SLC9A9: variants seen among roughly 807,000 people sequenced by gnomAD.
SLC9A9 encodes the protein sodium/hydrogen exchanger 9.
SLC9A9 carries 62 observed loss-of-function variants against 77.8 expected under a neutral mutation model. The ratio of observed to expected loss-of-function variants is 0.80; its 90% CI spans 0.65 to 0.98. The LOEUF is 0.98. Ranked by LOEUF, SLC9A9 falls within the 50% of genes least tolerant of loss-of-function variation. SLC9A9 has a pLI of 0.00. For missense variants in SLC9A9, 775 were observed against 774.9 expected (o/e 1.00, Z 0.00); for synonymous variants, 320 against 283.5 (o/e 1.13, Z -1.29).
At chr3:143,455,551 G>A (rs2108559753) in intron 12 of SLC9A9, among the ~76,000 whole-genome samples, 1 of 152,158 alleles carries the variant, frequency 6.6e-6, no homozygotes, top group African/African-American at 2.4e-5. Flanking sequence ...CATAAACACA[G>A]CAAGCCTCTC....
At chr3:143,520,583 A>T (rs1393080454) in intron 9 of SLC9A9, among the ~76,000 whole-genome samples, 1 of 152,244 alleles carries the variant, frequency 6.6e-6, no homozygotes, top group Non-Finnish European at 1.5e-5. Context: ...CTTTACACAC[A>T]AACACATAAC....
chr3:143,767,527 A>G (rs2108837451), intron 4 of SLC9A9, among the ~76,000 whole-genome samples: 1 of 152,020 alleles, frequency 6.6e-6, no homozygotes, highest in East Asian at 1.9e-4. Flanking sequence ...CTGGCCAGTG[A>G]CTCACCTCAT....
intron 9 of SLC9A9, among the ~76,000 whole-genome samples, chr3:143,549,600 A>T (rs1381414798): frequency 1.3e-5 from 2 of 152,198 alleles, no homozygotes; most frequent in Non-Finnish European, 2.9e-5. Context: ...CTTCCTTAAA[A>T]GAGAATTCTG....
chr3:143,831,923 G>T (rs750133960), intron 2 of SLC9A9, 96 bp downstream of exon 2: 15 of 1,072,748 alleles, frequency 1.4e-5, no homozygotes, highest in Non-Finnish European at 2.1e-5. Context: ...GCATATATGT[G>T]TGTGTGAATG....
At chr3:143,427,243 T>C (rs1489684425) in intron 12 of SLC9A9, among the ~76,000 whole-genome samples, 3 of 152,244 alleles carry the variant, frequency 2.0e-5, no homozygotes, top group African/African-American at 2.4e-5. Context: ...GTGTAAAGCA[T>C]TCATGCACAT....
intron 14 of SLC9A9, among the ~76,000 whole-genome samples, chr3:143,324,762 C>T (rs906080818): frequency 3.3e-5 from 5 of 152,106 alleles, no homozygotes; most frequent in African/African-American, 9.7e-5. Context: ...GACAAGGTTG[C>T]AGTGAGCCAC....
intron 9 of SLC9A9, among the ~76,000 whole-genome samples, chr3:143,536,346 C>T (rs941787819): frequency 1.3e-5 from 2 of 152,170 alleles, no homozygotes; most frequent in Non-Finnish European, 2.9e-5. Context: ...CAGCTTCCTC[C>T]TCAGTAAAAT....
intron 14 of SLC9A9, among the ~76,000 whole-genome samples, chr3:143,346,823 A>G (rs939277264): frequency 1.3e-5 from 2 of 152,170 alleles, no homozygotes; most frequent in African/African-American, 4.8e-5. Flanking sequence ...GTTTGGTTAA[A>G]ATGAAAAGGG....
At chr3:143,513,562 A>G (rs1451463386) in intron 9 of SLC9A9, among the ~76,000 whole-genome samples, 1 of 152,224 alleles carries the variant, frequency 6.6e-6, no homozygotes, top group Non-Finnish European at 1.5e-5. Context: ...TTCATAAATC[A>G]CAAATGTTCT....
At chr3:143,740,952 G>A (rs1245952403) in intron 4 of SLC9A9, among the ~76,000 whole-genome samples, 1 of 152,136 alleles carries the variant, frequency 6.6e-6, no homozygotes, top group Non-Finnish European at 1.5e-5. Context: ...AGCAAGGGGA[G>A]GAGGCTAGAA....
At chr3:143,769,299 A>G (rs1281561699) in intron 4 of SLC9A9, among the ~76,000 whole-genome samples, 1 of 152,142 alleles carries the variant, frequency 6.6e-6, no homozygotes, top group African/African-American at 2.4e-5. Context: ...TGCTCTGGGA[A>G]AGCAGTATCT....
chr3:143,836,708 A>G (rs1160353517), intron 1 of SLC9A9, among the ~76,000 whole-genome samples: 1 of 152,174 alleles, frequency 6.6e-6, no homozygotes, highest in Non-Finnish European at 1.5e-5. Flanking sequence ...TTCTCATTTT[A>G]TTATCCACAT....
chr3:143,282,740 A>G (rs1472004758), intron 14 of SLC9A9, among the ~76,000 whole-genome samples: 1 of 152,200 alleles, frequency 6.6e-6, no homozygotes, highest in African/African-American at 2.4e-5. Flanking sequence ...GAAAGATAGG[A>G]CTGTGGTGGC....
chr3:143,527,531 G>C (rs2036426246), intron 9 of SLC9A9, among the ~76,000 whole-genome samples: 1 of 152,178 alleles, frequency 6.6e-6, no homozygotes, highest in Non-Finnish European at 1.5e-5. Flanking sequence ...GTCAAAATTT[G>C]TCAGGTCTCA....
chr3:143,762,190 G>A (rs112645683), intron 4 of SLC9A9, among the ~76,000 whole-genome samples: 51,907 of 151,802 alleles, frequency 0.34, 9,273 homozygotes, highest in African/African-American at 0.43. Flanking sequence ...GGGGCCTGTC[G>A]TGGGGTTGGG....
intron 6 of SLC9A9, among the ~76,000 whole-genome samples, chr3:143,584,901 G>C (rs1174668531): frequency 3.3e-5 from 5 of 152,216 alleles, no homozygotes; most frequent in African/African-American, 1.2e-4. Flanking sequence ...TGGAAAGGAG[G>C]GAAGGCAGCA....
At chr3:143,573,640 T>C (rs1038237036) in intron 8 of SLC9A9, among the ~76,000 whole-genome samples, 1 of 152,050 alleles carries the variant, frequency 6.6e-6, no homozygotes, top group African/African-American at 2.4e-5. Flanking sequence ...GGAACATATG[T>C]GAAGATCTCA....
At chr3:143,504,910 C>T (rs531131970) in intron 9 of SLC9A9, among the ~76,000 whole-genome samples, 8 of 152,282 alleles carry the variant, frequency 5.3e-5, no homozygotes, top group African/African-American at 1.4e-4. Flanking sequence ...ACTAGGCAGC[C>T]TCCCCATTGT....
intron 6 of SLC9A9, among the ~76,000 whole-genome samples, chr3:143,584,338 T>TC (rs2037506077): frequency 6.6e-6 from 1 of 152,124 alleles, no homozygotes. Flanking sequence ...CCCTGACCGG[T>TC]CCTCTCAAAT....
Sources: allele counts gnomAD v4.1 joint callset (sites outside exome capture counted in the v4.1 genomes callset), GRCh38; gene constraint gnomAD v4.1.1; transcripts MANE v1.5; gene names NCBI Gene and HGNC (gene_info 2026-07-23, HGNC 2026-07-21).